The following NEK10 variants were observed in gnomAD, a reference collection of about 807,000 sequenced individuals.
NEK10 encodes the protein serine/threonine-protein kinase Nek10.
A neutral mutation model predicts 159.8 loss-of-function variants in NEK10; 122 were observed. That is an observed-to-expected ratio of 0.76 (90% CI 0.66 to 0.89). The LOEUF (loss-of-function observed/expected upper bound fraction) is 0.89, where lower values mean the gene tolerates loss of function less well. Ranked by LOEUF, NEK10 falls within the 40% of genes least tolerant of loss-of-function variation. NEK10 has a pLI of 0.00. For synonymous variants in NEK10, 466 were observed against 457.1 expected, an observed-to-expected ratio of 1.02 and a Z score of -0.25; for missense variants, 1,342 against 1,323.1, an observed-to-expected ratio of 1.01 and a Z score of -0.22.
intron 26 of NEK10, among the ~76,000 whole-genome samples, chr3:27,191,385 G>A (rs147304765): frequency 6.6e-6 from 1 of 152,140 alleles, no homozygotes; most frequent in East Asian, 1.9e-4. Context: ...CACTGATTGT[G>A]ATTGCAACAA....
chr3:27,159,037 C>A (rs1945763345), intron 30 of NEK10, among the ~76,000 whole-genome samples: 1 of 152,058 alleles, frequency 6.6e-6, no homozygotes, highest in South Asian at 2.1e-4. Flanking sequence ...ACCACAGAAT[C>A]AATCTATTTT....
chr3:27,318,877 T>C (rs749186252), intron 6 of NEK10, among the ~76,000 whole-genome samples: 1 of 152,014 alleles, frequency 6.6e-6, no homozygotes, highest in Non-Finnish European at 1.5e-5. Context: ...AAAAAGATAG[T>C]TGAAGCCAAG....
Position 27,107,720 on chromosome 3 carries a change from A to C in NEK10, c.*3552T>G, listed in dbSNP as rs1174852934. 1.3e-5 allele frequency among the ~76,000 whole-genome samples: 2 copies of C among 152,148 alleles called. No homozygotes were observed. The highest frequency in any genetic ancestry group is 4.8e-5 in the African/African-American group (2 of 41,436). On this transcript the variant is annotated 3_prime_UTR_variant, in exon 36 of 36. Coordinates refer to ENST00000691995, the MANE Select transcript of NEK10 (RefSeq NM_001394966.1). ...AGGGTGCCAAGAAGCTGTTTCAGAT[A>C]GATTTCTTTGCATTGCCTCTCCAAG...
At chr3:27,261,551 C>A (rs1302787577) in intron 22 of NEK10, among the ~76,000 whole-genome samples, 1 of 152,156 alleles carries the variant, frequency 6.6e-6, no homozygotes, top group African/African-American at 2.4e-5. Context: ...GATTCTTAAT[C>A]CTGAGTTCTA....
At chr3:27,226,671 T>C (rs1232232245) in intron 23 of NEK10, among the ~76,000 whole-genome samples, 1 of 152,178 alleles carries the variant, frequency 6.6e-6, no homozygotes, top group African/African-American at 2.4e-5. Context: ...CCATTAGTTA[T>C]AAATCTTAAA....
At chr3:27,321,221 A>G (rs2045604675) in intron 6 of NEK10, among the ~76,000 whole-genome samples, 1 of 152,252 alleles carries the variant, frequency 6.6e-6, no homozygotes, top group East Asian at 1.9e-4. Flanking sequence ...CTAAAGCACT[A>G]TGTCTTTGCT....
At chr3:27,245,418 G>C (rs1375130455) in intron 23 of NEK10, among the ~76,000 whole-genome samples, 2 of 152,134 alleles carry the variant, frequency 1.3e-5, no homozygotes, top group Middle Eastern at 3.2e-3. Context: ...GACATCCAAG[G>C]CTAGCCCCAA....
intron 30 of NEK10, among the ~76,000 whole-genome samples, chr3:27,161,147 T>A (rs543966969): frequency 5.3e-5 from 8 of 152,308 alleles, no homozygotes; most frequent in African/African-American, 1.9e-4. Context: ...ATTTCTAATA[T>A]GGATTACAAC....
intron 23 of NEK10, among the ~76,000 whole-genome samples, chr3:27,225,093 C>A (rs1575339143): frequency 6.6e-6 from 1 of 152,160 alleles, no homozygotes; most frequent in African/African-American, 2.4e-5. Flanking sequence ...GGCTGAGGAG[C>A]AAGGAGAGTC....
intron 32 of NEK10, among the ~76,000 whole-genome samples, chr3:27,120,342 G>C (rs1053531871): frequency 7.6e-6 from 1 of 132,396 alleles, no homozygotes; most frequent in Non-Finnish European, 1.6e-5. Flanking sequence ...TTTTTTTTCT[G>C]CAACAGTGTC....
intron 23 of NEK10, among the ~76,000 whole-genome samples, 169 bp downstream of exon 23, chr3:27,256,127 T>C (rs539560520): frequency 1.8e-4 from 28 of 152,324 alleles, no homozygotes; most frequent in Middle Eastern, 6.8e-3. Flanking sequence ...GTTTTAAGCA[T>C]ACATAATGAT....
At chr3:27,264,001 T>C (rs2040660961) in intron 22 of NEK10, among the ~76,000 whole-genome samples, 1 of 152,160 alleles carries the variant, frequency 6.6e-6, no homozygotes, top group African/African-American at 2.4e-5. Context: ...GAATAAATGA[T>C]GTATATTATT....
At position 27,171,830 on chromosome 3, in the gene NEK10, T is replaced by C. The variant is rs779462344; in HGVS notation, c.2820A>G (p.Gln940=). 2 of 1,613,874 alleles carry C rather than the reference T, an allele frequency of 1.2e-6. No individual in the cohort carries two copies. The highest frequency in any genetic ancestry group is 1.7e-6 in the Non-Finnish European group (2 of 1,179,922). ...CAATTTGCACCTACCTTGTTTGGGA[T>C]TGTCTTTCTCCTCCTGAAGCACTAA... is the stretch of plus-strand genomic sequence containing the variant. ...RSFSASGGER[Q]SQTRDFTGGT... Residue 940 remains glutamine, a synonymous_variant, in exon 29 of 36, where the codon CAA becomes CAG. Coordinates refer to ENST00000691995, the MANE Select transcript of NEK10 (RefSeq NM_001394966.1).
intron 5 of NEK10, among the ~76,000 whole-genome samples, chr3:27,337,354 G>A (rs969430578): frequency 2.0e-5 from 3 of 151,700 alleles, no homozygotes; most frequent in Non-Finnish European, 4.4e-5. Context: ...CCATGCTCGT[G>A]GATCAGAATA....
chr3:27,120,278 A>G (rs1368872869), intron 32 of NEK10, among the ~76,000 whole-genome samples: 1 of 151,982 alleles, frequency 6.6e-6, no homozygotes, highest in African/African-American at 2.4e-5. Flanking sequence ...TCTGCTTTGA[A>G]TAATTCCTTT....
chr3:27,182,868 TAA>T (rs35422408), intron 26 of NEK10, among the ~76,000 whole-genome samples: 1 of 151,842 alleles, frequency 6.6e-6, no homozygotes, highest in East Asian at 1.9e-4. Context: ...ACGTGGGAGC[TAA>T]AAAGTATCGA....
chr3:27,245,521 C>T (rs1044214810), intron 23 of NEK10, among the ~76,000 whole-genome samples: 1 of 152,144 alleles, frequency 6.6e-6, no homozygotes, highest in Non-Finnish European at 1.5e-5. Flanking sequence ...CCAAGGGACT[C>T]TAGCCAAGCA....
chr3:27,135,669 TAA>T (rs1208543136), intron 31 of NEK10, among the ~76,000 whole-genome samples: 1 of 152,244 alleles, frequency 6.6e-6, no homozygotes, highest in Non-Finnish European at 1.5e-5. Flanking sequence ...TTCTATTTTT[TAA>T]AAAGTTATTT....
intron 31 of NEK10, among the ~76,000 whole-genome samples, chr3:27,140,868 A>G (rs1161732725): frequency 6.6e-6 from 1 of 152,204 alleles, no homozygotes; most frequent in Non-Finnish European, 1.5e-5. Flanking sequence ...AATAACAGTG[A>G]CTTTCATGTC....
Sources: gnomAD v4.1 joint callset for allele counts (sites outside exome capture counted in the v4.1 genomes callset) on GRCh38, gnomAD v4.1.1 for gene constraint, MANE v1.5 for transcripts, NCBI Gene and HGNC (gene_info 2026-07-23, HGNC 2026-07-21) for gene names.